Variants in AMOTL1 observed in about 807,000 individuals in gnomAD.
AMOTL1 encodes the protein angiomotin-like protein 1.
In AMOTL1, 45 loss-of-function variants were observed where a neutral mutation model predicts 102.9. That is an observed-to-expected ratio of 0.44 (90% CI 0.34 to 0.56). The LOEUF (loss-of-function observed/expected upper bound fraction) is 0.56. AMOTL1 is among the 20% of genes least tolerant of loss of function. The pLI is 0.01. For synonymous variants in AMOTL1, 481 were observed against 484.7 expected (o/e 0.99, Z 0.10); for missense variants, 1,114 against 1,225.6 (o/e 0.91, Z 1.36).
chr11:94,717,530 T>C (rs949257463), intron 1 of AMOTL1, among the ~76,000 whole-genome samples: 1 of 151,822 alleles, frequency 6.6e-6, no homozygotes, highest in Non-Finnish European at 1.5e-5. Context: ...AAGTTAAAGC[T>C]GTATTCCTGT....
intron 11 of AMOTL1, among the ~76,000 whole-genome samples, chr11:94,867,539 G>C (rs1433113739): frequency 6.6e-6 from 1 of 152,216 alleles, no homozygotes; most frequent in African/African-American, 2.4e-5. Context: ...TGAAGGAAGA[G>C]CTGCTGTGTT....
At chr11:94,867,397 C>A (rs1952905751) in intron 11 of AMOTL1, among the ~76,000 whole-genome samples, 1 of 152,164 alleles carries the variant, frequency 6.6e-6, no homozygotes, top group South Asian at 2.1e-4. Flanking sequence ...AAAATTTGCT[C>A]AGCTCTGGTA....
At chr11:94,769,920 T>C (rs558229968) in intron 1 of AMOTL1, among the ~76,000 whole-genome samples, 2 of 152,200 alleles carry the variant, frequency 1.3e-5, no homozygotes, top group South Asian at 4.1e-4. Flanking sequence ...TGCTTTCGGC[T>C]AACCAAAGCA....
chr11:94,861,040 A>G lies in AMOTL1; in HGVS notation c.2135+1325A>G, dbSNP rs1183506808. ...GCAGTGGGTGCCACAGCACACTTGCACCGAGAAAGACCTACAGACCCATGT... is the reference window on the plus strand; with the variant it reads ...GCAGTGGGTGCCACAGCACACTTGCGCCGAGAAAGACCTACAGACCCATGT... On this transcript the variant is annotated intron_variant, in intron 9 of 12. Transcript: ENST00000433060. 2.0e-5 allele frequency among the ~76,000 whole-genome samples: 3 copies of G among 152,332 alleles called. No individual in the cohort carries two copies. In the East Asian group the frequency reaches 5.8e-4, roughly 29 times the overall value.
chr11:94,787,099 A>G (rs1360144341), intron 1 of AMOTL1, among the ~76,000 whole-genome samples: 2 of 152,256 alleles, frequency 1.3e-5, no homozygotes, highest in Admixed American at 6.5e-5. Flanking sequence ...ACATTATGAT[A>G]TCAGTATGCA....
At chr11:94,864,250 CAAT>C (rs143730804) in intron 9 of AMOTL1, among the ~76,000 whole-genome samples, 50,337 of 150,026 alleles carry the variant, frequency 0.34, 8,713 homozygotes, top group African/African-American at 0.41. Context: ...CCAACAAATA[CAAT>C]AATAATAATA....
At chr11:94,723,979 A>C (rs1299253983) in intron 1 of AMOTL1, among the ~76,000 whole-genome samples, 1 of 152,106 alleles carries the variant, frequency 6.6e-6, no homozygotes, top group Non-Finnish European at 1.5e-5. Context: ...CCAGGAGGAG[A>C]CTTCCCTCTG....
chr11:94,759,111 T>G (rs1005290835), intron 3 of AMOTL1, among the ~76,000 whole-genome samples: 11 of 152,326 alleles, frequency 7.2e-5, no homozygotes, highest in Non-Finnish European at 1.5e-4. Context: ...GAAAACAAGT[T>G]TCTTTTGTAG....
chr11:94,867,481 C>T (rs1248268634), intron 11 of AMOTL1, among the ~76,000 whole-genome samples: 1 of 152,170 alleles, frequency 6.6e-6, no homozygotes, highest in African/African-American at 2.4e-5. Flanking sequence ...CCCGTATGCC[C>T]CAGGACCTGG....
chr11:94,815,078 A>T (rs1321597208), intron 3 of AMOTL1, among the ~76,000 whole-genome samples: 1 of 152,202 alleles, frequency 6.6e-6, no homozygotes, highest in Non-Finnish European at 1.5e-5. Flanking sequence ...GACTTAAGTA[A>T]ATTTTTAATA....
rs953884670 is a variant in AMOTL1, at chr11:94,799,225, A to G, written c.200-165A>G. On this transcript the variant is annotated intron_variant, in intron 2 of 12. Coordinates refer to ENST00000433060, the MANE Select transcript of AMOTL1 (RefSeq NM_130847.3). This position sits in a 1 kb window ranked among gnomAD's most constrained non-coding sequence, Gnocchi z 4.5. ...TAGTAGACTCGCTTTGAATTGGAGA[A>G]GAAAATTCCATGAGACATTGCCAGG... Among the ~76,000 whole-genome samples, 6 of 152,136 alleles carry G rather than the reference A, an allele frequency of 3.9e-5. No individual in the cohort carries two copies. Among genetic ancestry groups the G allele is most frequent in the Non-Finnish European group, 8.8e-5 (6 of 68,022 alleles).
chr11:94,844,158 C>A (rs1214006483), intron 6 of AMOTL1, among the ~76,000 whole-genome samples: 1 of 152,148 alleles, frequency 6.6e-6, no homozygotes, highest in Admixed American at 6.5e-5. Context: ...ACCACCACCC[C>A]CTCTTCCCAC....
At chr11:94,828,728 A>C (rs1309037598) in intron 4 of AMOTL1, among the ~76,000 whole-genome samples, 1 of 152,194 alleles carries the variant, frequency 6.6e-6, no homozygotes, top group Admixed American at 6.5e-5. Flanking sequence ...TATTTATAGG[A>C]GTCTTGGCAG....
intron 2 of AMOTL1, among the ~76,000 whole-genome samples, chr11:94,736,823 C>G (rs1024846268): frequency 1.3e-5 from 2 of 152,190 alleles, no homozygotes; most frequent in Non-Finnish European, 2.9e-5. Flanking sequence ...GGACATTGCC[C>G]TGAGATTCAA....
At position 94,800,266 on chromosome 11, in the gene AMOTL1, T is replaced by G; in HGVS notation, c.1076T>G (p.Val359Gly). Residue 359 changes from valine to glycine, a missense_variant, in exon 3 of 13, where the codon GTG becomes GGG. Physicochemically the swap from Val to Gly is moderately radical, Grantham distance 109. Transcript: ENST00000433060. The part of the protein sequence containing the change: ...YPAPQPVRTD[V>G]AVLRYQPPPE... ...GCTCCTCAGCCTGTGAGAACAGATG[T>G]GGCCGTCCTGCGGTACCAGCCACCC... 6.2e-7 allele frequency: 1 copy of G among 1,613,346 alleles called. No individual in the cohort carries two copies. The highest frequency in any genetic ancestry group is 1.3e-5 in the African/African-American group (1 of 75,056).
At chr11:94,857,113 G>A (rs1249487113) in intron 8 of AMOTL1, among the ~76,000 whole-genome samples, 2 of 152,186 alleles carry the variant, frequency 1.3e-5, no homozygotes, top group South Asian at 2.1e-4. Context: ...GTAGCCTAGA[G>A]TAAGTCATCT....
At chr11:94,729,137 C>A in intron 2 of AMOTL1, 2 of 1,003,616 alleles carry the variant, frequency 2.0e-6, no homozygotes, top group Non-Finnish European at 2.7e-6. Context: ...GTACTCAGTA[C>A]GTGCCCACGC....
chr11:94,721,691 T>A (rs1178878760), intron 1 of AMOTL1, among the ~76,000 whole-genome samples: 1 of 152,164 alleles, frequency 6.6e-6, no homozygotes, highest in Non-Finnish European at 1.5e-5. Context: ...TTTCCCAACC[T>A]TCAGAACTGT....
chr11:94,852,626 T>C (rs1487003158), intron 7 of AMOTL1, among the ~76,000 whole-genome samples: 1 of 152,224 alleles, frequency 6.6e-6, no homozygotes, highest in Non-Finnish European at 1.5e-5. Flanking sequence ...TGGAAGTTGT[T>C]GGTCATAATT....
Sources: allele counts gnomAD v4.1 joint callset (sites outside exome capture counted in the v4.1 genomes callset), GRCh38; gene constraint gnomAD v4.1.1; non-coding constraint Gnocchi (gnomAD v3.1); transcripts MANE v1.5; gene names NCBI Gene and HGNC (gene_info 2026-07-23, HGNC 2026-07-21).